Variants in PCM1 observed in about 807,000 individuals in gnomAD.
PCM1 encodes pericentriolar material 1.
Under a neutral mutation model 241.9 loss-of-function variants are expected in PCM1, and 157 were observed. The ratio of observed to expected loss-of-function variants is 0.65; its 90% CI spans 0.57 to 0.74. The LOEUF is 0.74. Among genes scored for constraint, PCM1 ranks in the 30% least tolerant of loss-of-function variants. The pLI is 0.00. For synonymous variants in PCM1, 1,085 were observed against 784.9 expected, an observed-to-expected ratio of 1.38 and a Z score of -6.39; for missense variants, 3,478 against 2,360.1, an observed-to-expected ratio of 1.47 and a Z score of -9.81.
rs776240243 is a variant in PCM1 at position 17,966,450 on chromosome 8, A to G, written c.3198A>G (p.Thr1066=). ...HQLNQCYTQL[T]WQQNNVQRLK... ...TGAACCAGTGCTATACTCAGCTAAC[A>G]TGGCAACAGAATAATGTTCAGAGGT... The change falls in exon 20 of 39, where the codon ACA becomes ACG. Residue 1066 remains threonine, a synonymous_variant. Coordinates refer to ENST00000325083, the MANE Select transcript of PCM1 (RefSeq NM_006197.4). 3 of 1,613,808 alleles carry G rather than the reference A, an allele frequency of 1.9e-6. No individual in the cohort carries two copies. The highest frequency in any genetic ancestry group is 1.1e-5 in the South Asian group (1 of 91,082).
At position 17,982,937 on chromosome 8, in the gene PCM1, T is replaced by G. The variant is rs545640598; in HGVS notation, c.4108+2182T>G. On this transcript the variant is annotated intron_variant, in intron 24 of 38. Transcript: ENST00000325083. ...ACTGCTAGTATTAAATTACGCAGTC[T>G]TCTTCTCCCGTGGGTGTTGTGGGAG... Among the ~76,000 whole-genome samples, 60 of 152,334 alleles carry G rather than the reference T, an allele frequency of 3.9e-4. No individual in the cohort carries two copies. The South Asian group carries it at 7.9e-3, about 20-fold the overall frequency.
At chr8:18,014,891 A>G (rs1475102450) in intron 36 of PCM1, 51 bp downstream of exon 36, 1 of 1,449,218 alleles carries the variant, frequency 6.9e-7, no homozygotes, top group Non-Finnish European at 9.3e-7. Context: ...TTCTGTGCAT[A>G]TTTCTTCATT....
At chr8:18,019,012 A>T (rs2093540611) in intron 36 of PCM1, among the ~76,000 whole-genome samples, 1 of 151,538 alleles carries the variant, frequency 6.6e-6, no homozygotes, top group African/African-American at 2.4e-5. Flanking sequence ...CCAAATCCTA[A>T]CACTTTGTTA....
In PCM1 at chr8:17,947,237, C is replaced by A. The variant is rs1175842089; in HGVS notation, c.835C>A (p.Gln279Lys). The change falls in exon 7 of 39, where the codon CAA (glutamine) becomes AAA (lysine). Residue 279 changes from glutamine (Q) to lysine (K), a missense_variant. Coordinates refer to ENST00000325083, the MANE Select transcript of PCM1 (RefSeq NM_006197.4). ...PMEEIENLKK[Q>K]HDLLKRMLQQ... The stretch of plus-strand genomic sequence containing the variant: ...GGAAGAGATAGAAAATTTGAAGAAA[C>A]AACATGATTTATTAAAAAGAATGTT... 1 of 1,610,638 alleles carries A rather than the reference C, an allele frequency of 6.2e-7. No homozygotes were observed.
chr8:17,950,763 C>T (rs1000359011), intron 8 of PCM1, 39 bp downstream of exon 8: 3 of 1,088,570 alleles, frequency 2.8e-6, no homozygotes, highest in Non-Finnish European at 4.1e-6. Flanking sequence ...TTTAAAAAAT[C>T]ACATTAATTA....
chr8:17,982,739 C>A (rs973980855), intron 24 of PCM1: 1 of 152,320 alleles, frequency 6.6e-6, no homozygotes, highest in African/African-American at 2.4e-5. Flanking sequence ...CGTGATCCGC[C>A]CGCCTCGGCC....
intron 24 of PCM1, among the ~76,000 whole-genome samples, chr8:17,983,968 G>T (rs911069574): frequency 6.6e-6 from 1 of 152,036 alleles, no homozygotes; most frequent in Non-Finnish European, 1.5e-5. Flanking sequence ...CTGAAAATAG[G>T]ATATAAAAAC....
At chr8:17,985,318 C>T in intron 24 of PCM1, 129 bp from the exon 25 acceptor site, 2 of 557,662 alleles carry the variant, frequency 3.6e-6, no homozygotes, top group Non-Finnish European at 6.0e-6. Flanking sequence ...ACTTTAAAAG[C>T]TCTGAAATAG....
At position 17,985,511 on chromosome 8, in the gene PCM1, A is replaced by G. The variant is rs1438799986; in HGVS notation, c.4173A>G (p.Thr1391=). ...LRDTIYSEVA[T]LISQNESRPH... is the part of the protein sequence containing the mutation. ...ATACTATTTATTCTGAAGTAGCTACATTAATTTCTCAAAATGAATCTCGTC... is the reference window on the plus strand; with the variant it reads ...ATACTATTTATTCTGAAGTAGCTACGTTAATTTCTCAAAATGAATCTCGTC... Residue 1391 remains threonine (T), a synonymous_variant, in exon 25 of 39, where the codon ACA becomes ACG. Coordinates refer to ENST00000325083, the MANE Select transcript of PCM1 (RefSeq NM_006197.4). 3 of 1,578,574 alleles carry G rather than the reference A, an allele frequency of 1.9e-6. No individual in the cohort carries two copies. The highest frequency in any genetic ancestry group is 1.7e-4 in the Middle Eastern group (1 of 6,026).
intron 2 of PCM1, among the ~76,000 whole-genome samples, chr8:17,929,435 C>T (rs1183523995): frequency 6.6e-6 from 1 of 152,170 alleles, no homozygotes; most frequent in Non-Finnish European, 1.5e-5. Flanking sequence ...ACTCTCCAGC[C>T]CAGATTTCTC....
At chr8:17,932,354 A>G (rs933679710) in intron 2 of PCM1, among the ~76,000 whole-genome samples, 8 of 152,176 alleles carry the variant, frequency 5.3e-5, no homozygotes, top group African/African-American at 1.9e-4. Flanking sequence ...CAGTATTGCC[A>G]AAATGCTTTC....
Position 17,958,475 on chromosome 8 carries a change from C to T in PCM1, c.2040+700C>T, listed in dbSNP as rs374448129. Among the ~76,000 whole-genome samples the T allele has an allele frequency of 3.2e-4, 49 of 151,894 alleles. No individual in the cohort carries two copies. In the East Asian group the frequency reaches 4.6e-3, roughly 14 times the overall value. ...AAAATATACAATTATAGTTACATAA[C>T]TATTAACACAAAATATGCCTACACT... On this transcript the variant is annotated intron_variant, in intron 13 of 38. Coordinates refer to ENST00000325083, the MANE Select transcript of PCM1 (RefSeq NM_006197.4).
Position 18,027,619 on chromosome 8 carries a change from T to A in PCM1, c.6050-18T>A. The A allele has an allele frequency of 6.4e-7, 1 of 1,561,988 alleles. No individual in the cohort carries two copies. The highest frequency in any genetic ancestry group is 2.3e-5 in the East Asian group (1 of 44,334). ...ATTCGATAAGTAATTTATAAAGCAT[T>A]TTTATTCTGTTTTTCAGAAACGGTG... On this transcript the variant is annotated intron_variant, in intron 38 of 38. Coordinates refer to ENST00000325083, the MANE Select transcript of PCM1 (RefSeq NM_006197.4).
chr8:17,939,819 A>G lies in PCM1; in HGVS notation c.741A>G (p.Lys247=). 6.6e-7 allele frequency: 1 copy of G among 1,523,080 alleles called. No individual in the cohort carries two copies. The highest frequency in any genetic ancestry group is 8.9e-7 in the Non-Finnish European group (1 of 1,124,434). 94.3% of individuals were successfully genotyped at this position (1,523,080 alleles called of 1,614,324 possible). A position where few individuals can be genotyped will look rare whatever the true frequency, so the allele number is the denominator to read the frequency against. Residue 247 remains lysine, a synonymous_variant, in exon 6 of 39, where the codon AAA becomes AAG. Transcript: ENST00000325083. ...ERLTHLIDHL[K]EQEKSYMKFL... is the part of the protein sequence containing the mutation. Reference sequence around the variant, plus strand: ...TTACTCATCTAATAGATCACCTTAAAGAACAAGAGAAGTCATATATGAAAT... The same window carrying G: ...TTACTCATCTAATAGATCACCTTAAGGAACAAGAGAAGTCATATATGAAAT...
rs1218473843 is a variant in PCM1 at position 17,950,472 on chromosome 8, CAGAT to C, written c.962-138_962-135del. On this transcript the variant is annotated intron_variant, in intron 7 of 38. Transcript: ENST00000325083. Reference sequence around the variant, plus strand: ...TAACTTCTAATAAAATGATTGTTGGCAGATAGATCGGATTGTTAACTAGTTTCAA... The same window carrying C: ...TAACTTCTAATAAAATGATTGTTGGCAGATCGGATTGTTAACTAGTTTCAA... The C allele has an allele frequency of 2.8e-5, 16 of 579,624 alleles. No homozygotes were observed. In the East Asian group the frequency reaches 4.1e-4, roughly 15 times the overall value. The allele number at this position is 579,624 out of a possible 1,614,324, so 35.9% of individuals were successfully genotyped here.
intron 8 of PCM1, among the ~76,000 whole-genome samples, chr8:17,952,422 A>G (rs1477477024): frequency 1.3e-5 from 2 of 152,138 alleles, no homozygotes; most frequent in African/African-American, 2.4e-5. Context: ...ACTGATGTCT[A>G]GTGAATCCAA....
At chr8:17,990,102 CTTAAT>C (rs2084014330) in intron 27 of PCM1, 123 bp downstream of exon 27, 3 of 668,096 alleles carry the variant, frequency 4.5e-6, no homozygotes, top group Non-Finnish European at 4.6e-6. Flanking sequence ...AGAATGTGGA[CTTAAT>C]TATCTATCAG....
At chr8:17,989,545 T>C (rs770425602) in intron 26 of PCM1, among the ~76,000 whole-genome samples, 5 of 152,072 alleles carry the variant, frequency 3.3e-5, no homozygotes, top group Non-Finnish European at 5.9e-5. Context: ...TAGGAGAATG[T>C]CCCTGAGAGT....
chr8:17,939,774 A>G lies in PCM1; in HGVS notation c.696A>G (p.Arg232=), dbSNP rs750497741. The change falls in exon 6 of 39, where the codon AGA becomes AGG. Residue 232 remains arginine (R), a synonymous_variant. Coordinates refer to ENST00000325083, the MANE Select transcript of PCM1 (RefSeq NM_006197.4). ...MREDLVEKNE[R]SANVERLTHL... The stretch of plus-strand genomic sequence containing the variant: ...AAGATCTTGTAGAGAAAAATGAGAG[A>G]TCTGCTAATGTTGAGCGCCTTACTC... 5 of 1,548,932 alleles carry G rather than the reference A, an allele frequency of 3.2e-6. No homozygotes were observed. The Admixed American group carries it at 9.5e-5, about 30-fold the overall frequency.
Sources: gnomAD v4.1 joint callset for allele counts (sites outside exome capture counted in the v4.1 genomes callset) on GRCh38, gnomAD v4.1.1 for gene constraint, MANE v1.5 for transcripts, NCBI Gene and HGNC (gene_info 2026-07-23, HGNC 2026-07-21) for gene names.